PDE6A: variants seen among roughly 807,000 people sequenced by gnomAD.
The protein encoded by PDE6A is phosphodiesterase 6A.
In PDE6A, 84 loss-of-function variants were observed where a neutral mutation model predicts 106.3. The ratio of observed to expected loss-of-function variants is 0.79; its 90% CI spans 0.66 to 0.95. The LOEUF is 0.95. Ranked by LOEUF, PDE6A falls within the 40% of genes least tolerant of loss-of-function variation. The pLI is 0.00. For missense variants in PDE6A, 1,052 were observed against 1,084.9 expected (o/e 0.97, Z 0.43); for synonymous variants, 394 against 386.6 (o/e 1.02, Z -0.23).
At chr5:149,897,233 C>T (rs1378261266) in intron 10 of PDE6A, among the ~76,000 whole-genome samples, 1 of 152,166 alleles carries the variant, frequency 6.6e-6, no homozygotes, top group Non-Finnish European at 1.5e-5. Flanking sequence ...TGGACATAGT[C>T]CTAGTTCTTC....
At chr5:149,916,073 C>G (rs555691295) in intron 5 of PDE6A, among the ~76,000 whole-genome samples, 2 of 152,156 alleles carry the variant, frequency 1.3e-5, no homozygotes, top group Non-Finnish European at 2.9e-5. Flanking sequence ...CCTGGGCTCA[C>G]GTGATCCTCC....
At chr5:149,937,159 G>A (rs900753930) in intron 1 of PDE6A, among the ~76,000 whole-genome samples, 13 of 152,156 alleles carry the variant, frequency 8.5e-5, no homozygotes, top group African/African-American at 3.1e-4. Flanking sequence ...AGGATCAAGG[G>A]AGCCAGGTAT....
intron 17 of PDE6A, among the ~76,000 whole-genome samples, chr5:149,871,809 G>A (rs769663698): frequency 6.3e-4 from 96 of 152,242 alleles, no homozygotes; most frequent in Non-Finnish European, 1.1e-3. Context: ...GGACAGGAGC[G>A]TACACAGGGA....
intron 6 of PDE6A, among the ~76,000 whole-genome samples, chr5:149,908,877 A>G (rs35284086): frequency 1.3e-5 from 2 of 152,032 alleles, no homozygotes; most frequent in Non-Finnish European, 2.9e-5. Flanking sequence ...GTAAATATAA[A>G]CCACTAAGTA....
Position 149,921,624 on chromosome 5 carries a change from A to G in PDE6A, c.933+11T>C, listed in dbSNP as rs1268435596. On this transcript the variant is annotated intron_variant, in intron 5 of 21. Transcript: ENST00000255266. Reference sequence around the variant, plus strand: ...TATTAAATCATACTGAAAAGGTCAGAGAGAACGTACTCTTCCATCCGGAGT... The same window carrying G: ...TATTAAATCATACTGAAAAGGTCAGGGAGAACGTACTCTTCCATCCGGAGT... 1 of 1,605,770 alleles carries G rather than the reference A, an allele frequency of 6.2e-7. No individual in the cohort carries two copies. Among genetic ancestry groups the G allele is most frequent in the South Asian group, 1.1e-5 (1 of 90,844 alleles).
chr5:149,917,898 C>G (rs982196384), intron 5 of PDE6A, among the ~76,000 whole-genome samples: 1 of 152,134 alleles, frequency 6.6e-6, no homozygotes, highest in South Asian at 2.1e-4. Flanking sequence ...GAATCAGGGC[C>G]GGGTATATAG....
At chr5:149,901,379 T>C (rs1752973235) in intron 8 of PDE6A, among the ~76,000 whole-genome samples, 1 of 151,930 alleles carries the variant, frequency 6.6e-6, no homozygotes, top group Non-Finnish European at 1.5e-5. Flanking sequence ...AAATAAAAAA[T>C]TAGCTGAGAA....
chr5:149,876,773 C>T (rs1048319038), intron 17 of PDE6A, among the ~76,000 whole-genome samples: 1 of 152,122 alleles, frequency 6.6e-6, no homozygotes, highest in Non-Finnish European at 1.5e-5. Flanking sequence ...CCCCACCATG[C>T]CCAGTTCCTA....
chr5:149,921,714 G>A lies in PDE6A; in HGVS notation c.859-5C>T, dbSNP rs755257088. On this transcript the variant is annotated splice_region_variant and splice_polypyrimidine_tract_variant and intron_variant, in intron 4 of 21. Transcript: ENST00000255266. ...CGGCCACACATCAAAAAATTCCTAGGAATGAGAAAAACAATAATTACATGT... is the reference window on the plus strand; with the variant it reads ...CGGCCACACATCAAAAAATTCCTAGAAATGAGAAAAACAATAATTACATGT... 1.9e-6 allele frequency: 3 copies of A among 1,611,502 alleles called. No homozygotes were observed. In the Admixed American group the frequency reaches 5.0e-5, roughly 27 times the overall value.
chr5:149,942,521 G>A (rs1382492262), intron 1 of PDE6A, among the ~76,000 whole-genome samples: 3 of 152,112 alleles, frequency 2.0e-5, no homozygotes, highest in African/African-American at 4.8e-5. Flanking sequence ...TTTCTCGTCA[G>A]GTGGGATGAG....
At chr5:149,930,685 G>A (rs1754007559) in intron 4 of PDE6A, among the ~76,000 whole-genome samples, 1 of 152,128 alleles carries the variant, frequency 6.6e-6, no homozygotes, top group Admixed American at 6.6e-5. Flanking sequence ...TACATTTTTT[G>A]AGAATCCCTG....
chr5:149,924,860 A>C (rs916577583), intron 4 of PDE6A, among the ~76,000 whole-genome samples: 40 of 152,342 alleles, frequency 2.6e-4, no homozygotes, highest in African/African-American at 8.9e-4. Flanking sequence ...AGCTGAGCCA[A>C]GCTTACGGAA....
At chr5:149,866,029 T>G in intron 20 of PDE6A, 141 bp downstream of exon 20, 1 of 692,876 alleles carries the variant, frequency 1.4e-6, no homozygotes, top group Non-Finnish European at 2.7e-6. Context: ...GTCCTGAGAA[T>G]CGAATGCCAT....
chr5:149,861,341 T>C (rs1230516348), intron 21 of PDE6A, among the ~76,000 whole-genome samples: 1 of 152,226 alleles, frequency 6.6e-6, no homozygotes, highest in Non-Finnish European at 1.5e-5. Context: ...AGATCTTACC[T>C]TTTTACTCTT....
At chr5:149,919,968 G>C (rs1187180403) in intron 5 of PDE6A, among the ~76,000 whole-genome samples, 1 of 152,140 alleles carries the variant, frequency 6.6e-6, no homozygotes. Context: ...GACAAAAGCT[G>C]TGTTTCCAAG....
intron 13 of PDE6A, among the ~76,000 whole-genome samples, chr5:149,891,627 C>T (rs1482791539): frequency 6.6e-6 from 1 of 151,956 alleles, no homozygotes; most frequent in Non-Finnish European, 1.5e-5. Context: ...CATAGTGAGA[C>T]CCTGTCTTTT....
intron 20 of PDE6A, among the ~76,000 whole-genome samples, chr5:149,864,872 C>T (rs1438773482): frequency 6.6e-6 from 1 of 152,228 alleles, no homozygotes; most frequent in Non-Finnish European, 1.5e-5. Flanking sequence ...ACCTACCCCA[C>T]AGTGTGGTTT....
chr5:149,868,294 A>G, intron 17 of PDE6A, 136 bp from the exon 18 acceptor site: 3 of 817,404 alleles, frequency 3.7e-6, no homozygotes, highest in Non-Finnish European at 6.2e-6. Context: ...GCTCACCCCC[A>G]TTGCATCCAG....
At position 149,944,051 on chromosome 5, in the gene PDE6A, G is replaced by C. The variant is rs1340484516; in HGVS notation, c.474+149C>G. 1.1e-5 allele frequency: 7 copies of C among 631,780 alleles called. No individual in the cohort carries two copies. In the East Asian group the frequency reaches 2.0e-4, roughly 18 times the overall value. The allele number at this position is 631,780 out of a possible 1,614,324, so 39.1% of individuals were successfully genotyped here. A position where few individuals can be genotyped will look rare whatever the true frequency, so the allele number is the denominator to read the frequency against. Reference sequence around the variant, plus strand: ...GTTTGAATTTTTTTTTCAAAATAAAGAATTATGAGTAAATATGTAAATAAA... The same window carrying C: ...GTTTGAATTTTTTTTTCAAAATAAACAATTATGAGTAAATATGTAAATAAA... On this transcript the variant is annotated intron_variant, in intron 1 of 21. Transcript: ENST00000255266.
Sources: allele counts gnomAD v4.1 joint callset (sites outside exome capture counted in the v4.1 genomes callset), GRCh38; gene constraint gnomAD v4.1.1; transcripts MANE v1.5; gene names NCBI Gene and HGNC (gene_info 2026-07-23, HGNC 2026-07-21).